MALT1: variants seen among roughly 807,000 people sequenced by gnomAD.
The protein encoded by MALT1 is mucosa-associated lymphoid tissue lymphoma translocation protein 1.
MALT1 carries 36 observed loss-of-function variants against 85.5 expected under a neutral mutation model. The observed-to-expected ratio is 0.42, with a 90% confidence interval of 0.32 to 0.56. MALT1 has a LOEUF of 0.56. Ranked by LOEUF, MALT1 falls within the 20% of genes least tolerant of loss-of-function variation. MALT1 has a pLI of 0.10. For synonymous variants in MALT1, 359 were observed against 361.3 expected, an observed-to-expected ratio of 0.99 and a Z score of 0.07; for missense variants, 716 against 981.6, an observed-to-expected ratio of 0.73 and a Z score of 3.62.
intron 7 of MALT1, among the ~76,000 whole-genome samples, chr18:58,712,838 G>T (rs1168420360): frequency 6.6e-6 from 1 of 152,142 alleles, no homozygotes; most frequent in Non-Finnish European, 1.5e-5. Context: ...ACTTGATCAG[G>T]ATGAGGGGTG....
intron 8 of MALT1, among the ~76,000 whole-genome samples, chr18:58,715,717 G>T (rs574897149): frequency 6.6e-6 from 1 of 152,108 alleles, no homozygotes; most frequent in Non-Finnish European, 1.5e-5. Context: ...CATATAGAAC[G>T]GTGCCAGCTG....
chr18:58,739,670 G>A (rs989108447), intron 13 of MALT1, among the ~76,000 whole-genome samples: 6 of 152,112 alleles, frequency 3.9e-5, no homozygotes, highest in Admixed American at 6.5e-5. Flanking sequence ...CTAGCAGCCC[G>A]CCTCTGGGGC....
chr18:58,741,708 A>G (rs557549274), intron 13 of MALT1, 157 bp from the exon 14 acceptor site: 2 of 442,370 alleles, frequency 4.5e-6, no homozygotes, highest in Admixed American at 3.8e-5. Context: ...AACATGCCTG[A>G]TATGTCTGGC....
chr18:58,698,742 G>A (rs1031592455), intron 3 of MALT1, among the ~76,000 whole-genome samples: 4 of 152,212 alleles, frequency 2.6e-5, no homozygotes, highest in Non-Finnish European at 4.4e-5. Flanking sequence ...GTTAAGTTAT[G>A]TAGCTAATTT....
intron 7 of MALT1, 49 bp downstream of exon 7, chr18:58,711,002 T>C (rs1485643188): frequency 1.1e-5 from 15 of 1,412,974 alleles, no homozygotes; most frequent in Non-Finnish European, 1.4e-5. Flanking sequence ...TGCTAGTTAC[T>C]CTTGGGATTG....
At chr18:58,718,871 C>A (rs144931406) in intron 9 of MALT1, among the ~76,000 whole-genome samples, 1 of 151,744 alleles carries the variant, frequency 6.6e-6, no homozygotes, top group African/African-American at 2.4e-5. Context: ...TTTTCAAGGA[C>A]GAATTGGGAG....
chr18:58,696,552 T>G, intron 3 of MALT1, 65 bp downstream of exon 3: 1 of 1,311,596 alleles, frequency 7.6e-7, no homozygotes, highest in Non-Finnish European at 1.0e-6. Context: ...TTAATTAACA[T>G]TATCGTCCTA....
chr18:58,731,234 T>G (rs1441407700), intron 10 of MALT1, among the ~76,000 whole-genome samples: 1 of 152,250 alleles, frequency 6.6e-6, no homozygotes, highest in African/African-American at 2.4e-5. Flanking sequence ...ATTACAGGCT[T>G]GAGCCTCCGC....
At chr18:58,745,619 C>T (rs774930959) in intron 15 of MALT1, 47 bp from the exon 16 acceptor site, 4 of 1,521,636 alleles carry the variant, frequency 2.6e-6, no homozygotes, top group East Asian at 2.3e-5. Flanking sequence ...TATATTGTGG[C>T]TTTCATTGAT....
intron 10 of MALT1, among the ~76,000 whole-genome samples, chr18:58,727,921 G>A (rs914042459): frequency 5.3e-5 from 8 of 152,110 alleles, no homozygotes; most frequent in African/African-American, 1.9e-4. Context: ...TTTGTTGTGA[G>A]GATTGTGTGA....
intron 2 of MALT1, 109 bp downstream of exon 2, chr18:58,681,445 A>T: frequency 1.0e-6 from 1 of 973,684 alleles, no homozygotes; most frequent in Non-Finnish European, 1.5e-6. Context: ...GAAAATGTAA[A>T]TGTGTAGTGC....
At chr18:58,701,126 C>T (rs1015004729) in intron 4 of MALT1, among the ~76,000 whole-genome samples, 2 of 140,960 alleles carry the variant, frequency 1.4e-5, no homozygotes, top group African/African-American at 4.9e-5. Flanking sequence ...TGTGCGCGCA[C>T]GTTCACACAT....
chr18:58,735,439 G>A, intron 13 of MALT1, 110 bp downstream of exon 13: 2 of 1,144,172 alleles, frequency 1.7e-6, no homozygotes, highest in Middle Eastern at 2.6e-4. Context: ...TGTGGGTTTG[G>A]AATTAGTACC....
In MALT1 at chr18:58,753,407, A is replaced by C. The variant is rs1191221774; in HGVS notation, c.*5565A>C. ...CTACTAAAATAAACAGGGTTTCACC[A>C]TGTTGGCCAGGCTGGTCTCAAACTC... On this transcript the variant is annotated 3_prime_UTR_variant, in exon 17 of 17. Coordinates refer to ENST00000649217, the MANE Select transcript of MALT1 (RefSeq NM_006785.4). The C allele has an allele frequency of 6.6e-6, 1 of 152,170 alleles. No homozygotes were observed. Among genetic ancestry groups the C allele is most frequent in the African/African-American group, 2.4e-5 (1 of 41,440 alleles). 9.4% of individuals were successfully genotyped at this position (152,170 alleles called of 1,614,324 possible). A position where few individuals can be genotyped will look rare whatever the true frequency, so the allele number is the denominator to read the frequency against.
At chr18:58,714,820 C>A (rs12963971) in intron 8 of MALT1, among the ~76,000 whole-genome samples, 33,959 of 152,002 alleles carry the variant, frequency 0.22, 4,676 homozygotes, top group South Asian at 0.31. Context: ...GAAAATAAAA[C>A]CTTTCAGGAA....
chr18:58,679,609 A>G (rs528314939), intron 1 of MALT1, among the ~76,000 whole-genome samples: 1 of 152,276 alleles, frequency 6.6e-6, no homozygotes, highest in East Asian at 1.9e-4. Context: ...GCTGGAGTGC[A>G]GTGGCATGAT....
At chr18:58,671,898 T>G in intron 1 of MALT1, 46 bp downstream of exon 1, 3 of 1,139,122 alleles carry the variant, frequency 2.6e-6, no homozygotes, top group Non-Finnish European at 3.3e-6. Context: ...TCGAGCGGGG[T>G]GGGCTGCGGT....
chr18:58,692,437 ACTCTCTCCCTCC>A, intron 2 of MALT1, among the ~76,000 whole-genome samples: 1 of 41,750 alleles, frequency 2.4e-5, no homozygotes, highest in Non-Finnish European at 5.0e-5. Context: ...TCTCTCTCTC[ACTCTCTCCCTCC>A]CTCCCTCCCT....
chr18:58,698,176 C>T (rs1204243969), intron 3 of MALT1, among the ~76,000 whole-genome samples: 3 of 151,732 alleles, frequency 2.0e-5, no homozygotes, highest in Non-Finnish European at 2.9e-5. Flanking sequence ...AAACGATTAC[C>T]CTGCCTCAGC....
Sources: gnomAD v4.1 joint callset for allele counts (sites outside exome capture counted in the v4.1 genomes callset) on GRCh38, gnomAD v4.1.1 for gene constraint, MANE v1.5 for transcripts, NCBI Gene and HGNC (gene_info 2026-07-23, HGNC 2026-07-21) for gene names.